The following AHCYL2 variants were observed in gnomAD, a reference collection of about 807,000 sequenced individuals.
The protein encoded by AHCYL2 is S-adenosylhomocysteine hydrolase-like protein 2.
Under a neutral mutation model 81.4 loss-of-function variants are expected in AHCYL2, and 28 were observed. The ratio of observed to expected loss-of-function variants is 0.34; its 90% CI spans 0.25 to 0.47. AHCYL2 has a LOEUF of 0.47. Ranked by LOEUF, AHCYL2 falls within the 20% of genes least tolerant of loss-of-function variation. The pLI is 1.00. For synonymous variants in AHCYL2, 272 were observed against 290.2 expected (o/e 0.94, Z 0.64); for missense variants, 551 against 785.1 (o/e 0.70, Z 3.56).
intron 1 of AHCYL2, among the ~76,000 whole-genome samples, chr7:129,250,417 T>C (rs530097683): frequency 6.6e-6 from 1 of 152,278 alleles, no homozygotes; most frequent in African/African-American, 2.4e-5. Context: ...TTTAATAAAC[T>C]TGTGTATTTA....
intron 1 of AHCYL2, among the ~76,000 whole-genome samples, chr7:129,315,587 G>A (rs1363988114): frequency 6.6e-6 from 1 of 152,114 alleles, no homozygotes; most frequent in South Asian, 2.1e-4. Context: ...TGTTATAAAT[G>A]TAAATTTACA....
intron 1 of AHCYL2, among the ~76,000 whole-genome samples, chr7:129,301,977 A>G (rs893241288): frequency 1.3e-5 from 2 of 151,924 alleles, no homozygotes; most frequent in Admixed American, 6.6e-5. Context: ...TAGGATGGAC[A>G]TTTTTACAAT....
chr7:129,262,795 T>TG (rs1304245649), intron 1 of AHCYL2, among the ~76,000 whole-genome samples: 1 of 152,168 alleles, frequency 6.6e-6, no homozygotes, highest in African/African-American at 2.4e-5. Context: ...TTCAGTCAGT[T>TG]GGGGGGCTTA....
At chr7:129,339,143 G>C (rs554894666) in intron 1 of AHCYL2, among the ~76,000 whole-genome samples, 1 of 151,984 alleles carries the variant, frequency 6.6e-6, no homozygotes, top group African/African-American at 2.4e-5. Flanking sequence ...CTTCTCCCTC[G>C]GTTCTAACTT....
At chr7:129,314,012 G>A (rs529643847) in intron 1 of AHCYL2, among the ~76,000 whole-genome samples, 5 of 152,264 alleles carry the variant, frequency 3.3e-5, no homozygotes, top group African/African-American at 1.2e-4. Flanking sequence ...AAAAGGAGTC[G>A]AGATCAAGTA....
chr7:129,409,827 T>C (rs538967249), intron 11 of AHCYL2, among the ~76,000 whole-genome samples: 1 of 150,310 alleles, frequency 6.7e-6, no homozygotes, highest in African/African-American at 2.4e-5. Flanking sequence ...GATTCACTTA[T>C]AAAGTTTTAT....
chr7:129,362,926 G>T (rs1425661910), intron 1 of AHCYL2, among the ~76,000 whole-genome samples: 3 of 151,960 alleles, frequency 2.0e-5, no homozygotes, highest in African/African-American at 7.3e-5. Context: ...TTAGCTTTGA[G>T]CCCTGAAAAG....
At chr7:129,242,312 G>A (rs1331151327) in intron 1 of AHCYL2, among the ~76,000 whole-genome samples, 12 of 151,180 alleles carry the variant, frequency 7.9e-5, no homozygotes, top group Admixed American at 7.9e-4. Flanking sequence ...TTCCAGGCAG[G>A]AGCCACCAAG....
intron 1 of AHCYL2, among the ~76,000 whole-genome samples, chr7:129,279,525 C>T (rs903804126): frequency 3.3e-5 from 5 of 152,150 alleles, no homozygotes; most frequent in Non-Finnish European, 7.3e-5. Flanking sequence ...CTAATCTAGA[C>T]CCCAAGAGAG....
intron 1 of AHCYL2, among the ~76,000 whole-genome samples, chr7:129,264,694 C>T (rs570161516): frequency 1.3e-5 from 2 of 152,236 alleles, no homozygotes; most frequent in African/African-American, 4.8e-5. Context: ...TAGAATGGAG[C>T]AGAACGTCAT....
intron 1 of AHCYL2, among the ~76,000 whole-genome samples, chr7:129,299,866 A>G (rs898833261): frequency 2.0e-4 from 31 of 152,194 alleles, no homozygotes; most frequent in Non-Finnish European, 3.1e-4. Flanking sequence ...TTGATTATAT[A>G]CCCACGGTTT....
At chr7:129,316,792 T>C (rs1406550209) in intron 1 of AHCYL2, among the ~76,000 whole-genome samples, 1 of 152,190 alleles carries the variant, frequency 6.6e-6, no homozygotes, top group African/African-American at 2.4e-5. Context: ...TGGAATAGAA[T>C]GATGGAGGAA....
intron 1 of AHCYL2, among the ~76,000 whole-genome samples, chr7:129,296,678 C>A (rs895095124): frequency 6.6e-6 from 1 of 152,142 alleles, no homozygotes; most frequent in Non-Finnish European, 1.5e-5. Context: ...TCACTGTACT[C>A]TATCCTGGTT....
At chr7:129,389,310 A>T in intron 3 of AHCYL2, 111 bp downstream of exon 3, 1 of 1,315,800 alleles carries the variant, frequency 7.6e-7, no homozygotes, top group Non-Finnish European at 1.1e-6. Flanking sequence ...ATGTGATAAG[A>T]ATACTTATAA....
At chr7:129,365,480 TG>T (rs1563213708) in intron 1 of AHCYL2, among the ~76,000 whole-genome samples, 2 of 151,998 alleles carry the variant, frequency 1.3e-5, no homozygotes. Flanking sequence ...AATTGGAAAT[TG>T]GAGTTATATA....
intron 1 of AHCYL2, among the ~76,000 whole-genome samples, chr7:129,370,424 C>G (rs112226876): frequency 1.3e-5 from 2 of 151,838 alleles, no homozygotes; most frequent in South Asian, 4.1e-4. Context: ...CAGCCGGGTG[C>G]GGTGGCTCAC....
intron 1 of AHCYL2, among the ~76,000 whole-genome samples, chr7:129,319,002 G>T (rs1797923280): frequency 2.0e-5 from 3 of 151,856 alleles, no homozygotes; most frequent in African/African-American, 7.3e-5. Context: ...GTGAGAAACT[G>T]GGGAAAATAT....
intron 1 of AHCYL2, among the ~76,000 whole-genome samples, chr7:129,291,726 C>T (rs575795197): frequency 1.2e-3 from 180 of 151,976 alleles, no homozygotes; most frequent in Non-Finnish European, 2.2e-3. Context: ...CTCAGCCTCC[C>T]GAGTAGCTGG....
At chr7:129,367,787 C>CTTTCT (rs1263807576) in intron 1 of AHCYL2, among the ~76,000 whole-genome samples, 2 of 152,224 alleles carry the variant, frequency 1.3e-5, no homozygotes, top group African/African-American at 4.8e-5. Context: ...CGTCCCAGAA[C>CTTTCT]TTTCTTAGAG....
Sources: allele counts gnomAD v4.1 joint callset (sites outside exome capture counted in the v4.1 genomes callset), GRCh38; gene constraint gnomAD v4.1.1; transcripts MANE v1.5; gene names NCBI Gene and HGNC (gene_info 2026-07-23, HGNC 2026-07-21).